EXOC3L2: variants seen among roughly 807,000 people sequenced by gnomAD.
EXOC3L2 encodes the protein exocyst complex component 3 like 2.
In EXOC3L2, 17 loss-of-function variants were observed where a neutral mutation model predicts 44.4. The observed-to-expected ratio is 0.38, with a 90% CI of 0.26 to 0.57. The LOEUF is 0.57. Among genes scored for constraint, EXOC3L2 ranks in the 20% least tolerant of loss-of-function variants. The probability of loss-of-function intolerance (pLI) is 0.65; values close to 1 mark genes in which losing one functional copy is unlikely to be tolerated. For missense variants in EXOC3L2, 541 were observed against 588.4 expected (o/e 0.92, Z 0.83); for synonymous variants, 256 against 253.7 (o/e 1.01, Z -0.09).
intron 2 of EXOC3L2, among the ~76,000 whole-genome samples, chr19:45,235,259 C>T (rs992505408): frequency 2.0e-5 from 3 of 152,074 alleles, no homozygotes; most frequent in African/African-American, 7.2e-5. Context: ...CGCGCCACTG[C>T]ACCCCAGCCT....
intron 6 of EXOC3L2, 73 bp from the exon 7 acceptor site, chr19:45,227,845 C>T: frequency 1.3e-6 from 2 of 1,539,004 alleles, no homozygotes; most frequent in Non-Finnish European, 8.9e-7. Context: ...CCTGCCAAAG[C>T]CACCATCCCT....
In EXOC3L2 at chr19:45,217,603, C is replaced by G. The variant is rs1294452743; in HGVS notation, c.1923G>C (p.Ser641=). The stretch of plus-strand genomic sequence containing the variant: ...CGGCCACGCGGCTGCGGGTCCGCGC[C>G]GAGCTGCAGCGCAGGCGCCCACGGA... ...PLLRGRLRCS[S]ARTRSRVAGR... Residue 641 remains serine, a synonymous_variant, in exon 10 of 12, where the codon TCG becomes TCC. Transcript: ENST00000413988. The G allele has an allele frequency of 7.9e-6, 12 of 1,518,374 alleles. No homozygotes were observed. Among genetic ancestry groups the G allele is most frequent in the Admixed American group, 2.1e-5 (1 of 46,960 alleles). 94.1% of individuals were successfully genotyped at this position (1,518,374 alleles called of 1,614,324 possible).
intron 7 of EXOC3L2, among the ~76,000 whole-genome samples, chr19:45,226,339 T>C (rs1281534104): frequency 6.6e-6 from 1 of 152,204 alleles, no homozygotes; most frequent in Non-Finnish European, 1.5e-5. Flanking sequence ...AGGTGGCTCA[T>C]GCTTGTAATG....
intron 10 of EXOC3L2, 99 bp from the exon 11 acceptor site, chr19:45,216,293 A>G: frequency 4.8e-6 from 7 of 1,470,724 alleles, no homozygotes; most frequent in Non-Finnish European, 6.3e-6. Flanking sequence ...AATGTAGCAG[A>G]AACCAGGGGT....
At chr19:45,221,255 T>C (rs545317269) in intron 8 of EXOC3L2, among the ~76,000 whole-genome samples, 1 of 152,004 alleles carries the variant, frequency 6.6e-6, no homozygotes, top group South Asian at 2.1e-4. Flanking sequence ...TTGCCCAGGC[T>C]GGTGTTGAAC....
intron 9 of EXOC3L2, 39 bp downstream of exon 9, chr19:45,218,158 T>TGCCCCCCCCCCCC: frequency 2.9e-6 from 3 of 1,034,906 alleles, no homozygotes; most frequent in Non-Finnish European, 4.0e-6. Context: ...TCCCCTCTTT[T>TGCCCCCCCCCCCC]CCCCCACCCC....
rs529180534 is a variant in EXOC3L2 at position 45,225,291 on chromosome 19, C to T, written c.1584-378G>A. 3.9e-3 allele frequency among the ~76,000 whole-genome samples: 575 copies of T among 148,752 alleles called. 7 individuals are homozygous for T. Among genetic ancestry groups the T allele is most frequent in the African/African-American group, 0.013 (528 of 40,368 alleles). On this transcript the variant is annotated intron_variant, in intron 7 of 11. Coordinates refer to ENST00000413988, the MANE Select transcript of EXOC3L2 (RefSeq NM_001382422.1). ...GTGGTTCTTTTTTTTTTTTTTGAGA[C>T]GGAGTCTCGCTCTGTCACCCAGGCT...
intron 8 of EXOC3L2, among the ~76,000 whole-genome samples, chr19:45,219,640 T>C (rs964214401): frequency 1.3e-5 from 2 of 152,128 alleles, no homozygotes; most frequent in Admixed American, 1.3e-4. Flanking sequence ...GATCCGGTAT[T>C]TGACGAAACT....
chr19:45,217,328 C>T (rs960000838), intron 10 of EXOC3L2, among the ~76,000 whole-genome samples, 200 bp downstream of exon 10: 2 of 152,172 alleles, frequency 1.3e-5, no homozygotes, highest in African/African-American at 4.8e-5. Context: ...CGCCCAGAGG[C>T]GAGTTCTCAG....
At chr19:45,216,588 GAATAAA>G (rs1229758222) in intron 10 of EXOC3L2, 4 of 153,324 alleles carry the variant, frequency 2.6e-5, no homozygotes, top group African/African-American at 4.8e-5. Context: ...CAAAAATAAA[GAATAAA>G]AATAAAAATA....
At chr19:45,244,602 C>T (rs549281339) in intron 1 of EXOC3L2, among the ~76,000 whole-genome samples, 1 of 152,274 alleles carries the variant, frequency 6.6e-6, no homozygotes, top group East Asian at 1.9e-4. Context: ...CCCCCAGCCT[C>T]TCAGGCCCGC....
chr19:45,238,790 G>C lies in EXOC3L2; in HGVS notation c.256C>G (p.Arg86Gly). 2.5e-6 allele frequency: 1 copy of C among 398,934 alleles called. No homozygotes were observed. 24.7% of individuals were successfully genotyped at this position (398,934 alleles called of 1,614,324 possible). Residue 86 changes from arginine (R) to glycine (G), a missense_variant, in exon 2 of 12, where the codon CGC (arginine) becomes GGC (glycine). By Grantham distance (125) the Arg-to-Gly change is moderately radical (BLOSUM62 -2). Transcript: ENST00000413988. This position sits in a 1 kb window ranked among gnomAD's most constrained non-coding sequence, Gnocchi z 5.5. ...ACCAGCACACGGCCCAAGAAAGAGC[G>C]GGGCTGCCCATCCCCAGGGCTGCCT... ...RAGSPGDGQPRSFLGRVLVPG... is the reference protein window; with the variant it reads ...RAGSPGDGQPGSFLGRVLVPG...
chr19:45,228,148 C>G lies in EXOC3L2; in HGVS notation c.1371+17G>C. 1 of 1,613,900 alleles carries G rather than the reference C, an allele frequency of 6.2e-7. No individual in the cohort carries two copies. The highest frequency in any genetic ancestry group is 8.5e-7 in the Non-Finnish European group (1 of 1,179,868). On this transcript the variant is annotated intron_variant, in intron 5 of 11. Transcript: ENST00000413988. ...CTTTCCATCCAGCCCATCCCCCAGC[C>G]TCCCTCCACCTCCTACCTCACACAC...
Position 45,226,436 on chromosome 19 carries a change from CTTTTA to C in EXOC3L2, c.1583+1221_1583+1225del, listed in dbSNP as rs1187939184. 4.6e-5 allele frequency among the ~76,000 whole-genome samples: 7 copies of C among 152,062 alleles called. No homozygotes were observed. In the East Asian group the frequency reaches 1.4e-3, roughly 29 times the overall value. ...GGGCAACATAGAGAGACCTCCATCTCTTTTATTTTCTTTTTTTTGAGATGGAGTCT... is the reference window on the plus strand; with the variant it reads ...GGGCAACATAGAGAGACCTCCATCTCTTTTCTTTTTTTTGAGATGGAGTCT... On this transcript the variant is annotated intron_variant, in intron 7 of 11. Coordinates refer to ENST00000413988, the MANE Select transcript of EXOC3L2 (RefSeq NM_001382422.1).
At position 45,228,258 on chromosome 19, in the gene EXOC3L2, G is replaced by A. The variant is rs763388471; in HGVS notation, c.1278C>T (p.Thr426=). ...GCAGCACACGGAGAAGGGCAGCCCG[G>A]GTCTGAGCCTACAGTAGGGAGAGGG... is the stretch of plus-strand genomic sequence containing the variant. ...DECVTDVKAQ[T]RAALLRVLQE... Residue 426 remains threonine, a synonymous_variant, in exon 5 of 12, where the codon ACC becomes ACT. Transcript: ENST00000413988. 3 of 1,613,900 alleles carry A rather than the reference G, an allele frequency of 1.9e-6. No homozygotes were observed. The highest frequency in any genetic ancestry group is 2.5e-6 in the Non-Finnish European group (3 of 1,180,024).
At chr19:45,232,695 C>A (rs752427697) in intron 3 of EXOC3L2, among the ~76,000 whole-genome samples, 12 of 152,166 alleles carry the variant, frequency 7.9e-5, no homozygotes, top group East Asian at 1.9e-4. Flanking sequence ...AAAGTCTCAA[C>A]AGTAATAAGA....
At chr19:45,239,608 C>A (rs1212830484) in intron 1 of EXOC3L2, among the ~76,000 whole-genome samples, 1 of 151,122 alleles carries the variant, frequency 6.6e-6, no homozygotes, top group Non-Finnish European at 1.5e-5. Flanking sequence ...GCAACCTCCG[C>A]CTCCCAGGTT....
At chr19:45,233,639 T>A (rs980633686) in intron 3 of EXOC3L2, among the ~76,000 whole-genome samples, 1 of 152,066 alleles carries the variant, frequency 6.6e-6, no homozygotes, top group Non-Finnish European at 1.5e-5. Context: ...GTGCTAAAAT[T>A]GTAGAACTGG....
rs530736333 is a variant in EXOC3L2, at chr19:45,212,598, C to CTTTTTTTTT, written c.*462_*470dup. Reference sequence around the variant, plus strand: ...CTCTTTGGCCTCTGTTTCCCCCTACCTTTTTTTTTTTTTTTTTTTTTTGAG... The same window carrying CTTTTTTTTT: ...CTCTTTGGCCTCTGTTTCCCCCTACCTTTTTTTTTTTTTTTTTTTTTTTTTTTTTTTGAG... On this transcript the variant is annotated 3_prime_UTR_variant, in exon 12 of 12. Transcript: ENST00000413988. 2 of 111,352 alleles carry CTTTTTTTTT rather than the reference C, an allele frequency of 1.8e-5. No homozygotes were observed. The highest frequency in any genetic ancestry group is 4.0e-5 in the African/African-American group (1 of 25,160). The allele number at this position is 111,352 out of a possible 1,614,324, so 6.9% of individuals were successfully genotyped here. A position where few individuals can be genotyped will look rare whatever the true frequency, so the allele number is the denominator to read the frequency against.
Sources: gnomAD v4.1 joint callset for allele counts (sites outside exome capture counted in the v4.1 genomes callset) on GRCh38, gnomAD v4.1.1 for gene constraint, Gnocchi (gnomAD v3.1) non-coding constraint, MANE v1.5 for transcripts, NCBI Gene and HGNC (gene_info 2026-07-23, HGNC 2026-07-21) for gene names.